Variants in STK11IP observed in about 807,000 individuals in gnomAD.
STK11IP encodes serine/threonine-protein kinase 11-interacting protein.
STK11IP carries 103 observed loss-of-function variants against 131.7 expected under a neutral mutation model. The observed-to-expected ratio is 0.78, with a 90% CI of 0.67 to 0.92. STK11IP has a LOEUF of 0.92. Among genes scored for constraint, STK11IP ranks in the 40% least tolerant of loss-of-function variants. The pLI is 0.00. For missense variants in STK11IP, 1,315 were observed against 1,385.7 expected (o/e 0.95, Z 0.81); for synonymous variants, 557 against 575.6 (o/e 0.97, Z 0.46).
intron 3 of STK11IP, 69 bp from the exon 4 acceptor site, chr2:219,601,572 A>G (rs1395211604): frequency 6.4e-7 from 1 of 1,556,514 alleles, no homozygotes. Flanking sequence ...TGGTTGTGCT[A>G]AGGAAGGAAT....
rs1698196908 is a variant in STK11IP at position 219,607,145 on chromosome 2, A to G, written c.1219+8A>G. On this transcript the variant is annotated splice_region_variant and intron_variant, in intron 13 of 24. Transcript: ENST00000456909. ...TGAACCCCTCTCCGGCTGGTAAGTC[A>G]GCTTCATCCCACTAACCTCTCTCGT... 1 of 1,613,754 alleles carries G rather than the reference A, an allele frequency of 6.2e-7. No homozygotes were observed. Among genetic ancestry groups the G allele is most frequent in the Non-Finnish European group, 8.5e-7 (1 of 1,179,768 alleles).
intron 8 of STK11IP, 77 bp from the exon 9 acceptor site, chr2:219,605,879 C>A: frequency 6.8e-7 from 1 of 1,477,600 alleles, no homozygotes; most frequent in Non-Finnish European, 9.3e-7. Flanking sequence ...CTGCTGCAAC[C>A]TCCCCCAGTG....
chr2:219,601,516 G>A (rs1697983234), intron 3 of STK11IP, 76 bp downstream of exon 3: 2 of 1,564,692 alleles, frequency 1.3e-6, no homozygotes, highest in Non-Finnish European at 1.7e-6. Flanking sequence ...GGGTAGGGGT[G>A]CAGAAGTCTG....
In STK11IP at chr2:219,601,724, A is replaced by T; in HGVS notation, c.342+9A>T. ...CCCTTCGGCACCTGGAGGTATGGGG[A>T]CACGGGGGGATGTTGGTGCACAGCA... On this transcript the variant is annotated intron_variant, in intron 4 of 24. Transcript: ENST00000456909. The T allele has an allele frequency of 6.3e-7, 1 of 1,590,622 alleles. No homozygotes were observed. The highest frequency in any genetic ancestry group is 8.6e-7 in the Non-Finnish European group (1 of 1,167,990).
At chr2:219,606,931 G>C in intron 12 of STK11IP, 73 bp downstream of exon 12, 2 of 1,584,706 alleles carry the variant, frequency 1.3e-6, no homozygotes, top group African/African-American at 2.7e-5. Flanking sequence ...ACAGTGGGCA[G>C]GGAATGGTAG....
rs1296379973 is a variant in STK11IP, at chr2:219,611,674, C to T, written c.2175C>T (p.Pro725=). ...VVLLAVSRGT[P]NRERKQGEQS... ...TCCTCGCTGTGTCTCGGGGAACCCC[C>T]AACAGGGAGCGGAAACAGGGAGAGC... is the stretch of plus-strand genomic sequence containing the variant. The change falls in exon 18 of 25, where the codon CCC becomes CCT. Residue 725 remains proline (P), a synonymous_variant. Transcript: ENST00000456909. 3 of 1,613,142 alleles carry T rather than the reference C, an allele frequency of 1.9e-6. No individual in the cohort carries two copies. In the South Asian group the frequency reaches 3.3e-5, roughly 18 times the overall value.
chr2:219,610,880 T>C (rs1260139290), intron 17 of STK11IP, among the ~76,000 whole-genome samples: 2 of 152,240 alleles, frequency 1.3e-5, no homozygotes, highest in Admixed American at 6.5e-5. Flanking sequence ...TGTATGGTCC[T>C]GGGCAGCATG....
intron 19 of STK11IP, among the ~76,000 whole-genome samples, chr2:219,612,676 G>A (rs1033728812): frequency 2.0e-5 from 3 of 152,202 alleles, no homozygotes; most frequent in African/African-American, 7.2e-5. Flanking sequence ...GGGGAGAACT[G>A]CCCAGGATGA....
At chr2:219,598,006 C>T (rs1299455766) in intron 1 of STK11IP, 83 bp downstream of exon 1, 3 of 1,582,744 alleles carry the variant, frequency 1.9e-6, no homozygotes, top group Admixed American at 1.8e-5. Flanking sequence ...CCTTTTTCTC[C>T]GCATGACGCC....
At position 219,616,132 on chromosome 2, in the gene STK11IP, A is replaced by C; in HGVS notation, c.3206A>C (p.Glu1069Ala). 6.2e-7 allele frequency: 1 copy of C among 1,613,798 alleles called. No homozygotes were observed. The highest frequency in any genetic ancestry group is 1.1e-5 in the South Asian group (1 of 91,080). ...CTTGCCTGGATCCGGGAACCATGGG[A>C]GGAGCTGTTTTCCATCGGACTCCGG... ...ALLAWIREPW[E>A]ELFSIGLRTV... The change falls in exon 25 of 25, where the codon GAG becomes GCG. Residue 1069 changes from glutamate (E) to alanine (A), a missense_variant. By Grantham distance (107) the Glu-to-Ala change is moderately radical (BLOSUM62 -1). Transcript: ENST00000456909.
chr2:219,608,646 A>G lies in STK11IP; in HGVS notation c.1667A>G (p.Glu556Gly). The change falls in exon 15 of 25, where the codon GAA becomes GGA. Residue 556 changes from glutamate (E) to glycine (G), a missense_variant. Physicochemically the swap from Glu to Gly is moderately conservative, Grantham distance 98. Transcript: ENST00000456909. ...LEGPEGVRGR[E>G]CFLRVTSAHL... The stretch of plus-strand genomic sequence containing the variant: ...GGGCCTGAGGGCGTACGGGGCAGGG[A>G]ATGCTTTCTCAGGGTCACTTCTGCC... 1.2e-6 allele frequency: 2 copies of G among 1,613,282 alleles called. No individual in the cohort carries two copies. The highest frequency in any genetic ancestry group is 1.7e-6 in the Non-Finnish European group (2 of 1,179,640).
chr2:219,609,565 C>T lies in STK11IP; in HGVS notation c.2104+25C>T, dbSNP rs751730719. 14 of 1,552,156 alleles carry T rather than the reference C, an allele frequency of 9.0e-6. No homozygotes were observed. In the Admixed American group the frequency reaches 2.5e-4, roughly 28 times the overall value. On this transcript the variant is annotated intron_variant, in intron 17 of 24. Coordinates refer to ENST00000456909, the MANE Select transcript of STK11IP (RefSeq NM_052902.4). Reference sequence around the variant, plus strand: ...GGTACAAGTCCTGCCCTTGACCTCTCTGCCCACACGCCTCCCCTGTTCCAG... The same window carrying T: ...GGTACAAGTCCTGCCCTTGACCTCTTTGCCCACACGCCTCCCCTGTTCCAG...
Position 219,606,805 on chromosome 2 carries a change from G to C in STK11IP, c.1081G>C (p.Asp361His). 6.2e-7 allele frequency: 1 copy of C among 1,613,714 alleles called. No individual in the cohort carries two copies. The highest frequency in any genetic ancestry group is 1.1e-5 in the South Asian group (1 of 91,080). ...AACCTCAGGTGGCCCTGACCTGAGTGACAGCCTCTCCTCAGGGGGTGTTGT... is the reference window on the plus strand; with the variant it reads ...AACCTCAGGTGGCCCTGACCTGAGTCACAGCCTCTCCTCAGGGGGTGTTGT... ...PETSGGPDLSDSLSSGGVVTQ... is the reference protein window; with the variant it reads ...PETSGGPDLSHSLSSGGVVTQ... Residue 361 changes from aspartate (D) to histidine (H), a missense_variant, in exon 12 of 25, where the codon GAC becomes CAC. Transcript: ENST00000456909.
chr2:219,606,188 C>A lies in STK11IP; in HGVS notation c.850-7C>A. 6.4e-7 allele frequency: 1 copy of A among 1,559,742 alleles called. No homozygotes were observed. Among genetic ancestry groups the A allele is most frequent in the Non-Finnish European group, 8.7e-7 (1 of 1,151,532 alleles). On this transcript the variant is annotated splice_polypyrimidine_tract_variant and splice_region_variant and intron_variant, in intron 9 of 24. Transcript: ENST00000456909. ...GCCCTCCTCATTCTCCCCTTCCTGC[C>A]CCTCAGCTCTACCTGGAGGGGAACC...
intron 2 of STK11IP, among the ~76,000 whole-genome samples, chr2:219,600,132 G>A (rs1301417554): frequency 7.0e-6 from 1 of 142,976 alleles, no homozygotes; most frequent in East Asian, 2.1e-4. Flanking sequence ...GCTCAATTTC[G>A]GCTCACTGCA....
At chr2:219,605,279 C>T (rs1393638388) in intron 7 of STK11IP, among the ~76,000 whole-genome samples, 1 of 152,174 alleles carries the variant, frequency 6.6e-6, no homozygotes, top group Non-Finnish European at 1.5e-5. Flanking sequence ...AGGCCCTTAC[C>T]CTTTCACAGA....
rs1462551169 is a variant in STK11IP, at chr2:219,613,231, TGA to T, written c.2537+10_2537+11del. The T allele has an allele frequency of 2.6e-6, 4 of 1,528,692 alleles. No homozygotes were observed. Among genetic ancestry groups the T allele is most frequent in the East Asian group, 5.1e-5 (2 of 39,304 alleles). 94.7% of individuals were successfully genotyped at this position (1,528,692 alleles called of 1,614,324 possible). Reference sequence around the variant, plus strand: ...AAGGTGACTGGGGAGATGCGGTGAGTGAGAGGGGAGATGCAGTGAGTAAGGGG... The same window carrying T: ...AAGGTGACTGGGGAGATGCGGTGAGTGAGGGGAGATGCAGTGAGTAAGGGG... On this transcript the variant is annotated splice_region_variant and intron_variant, in intron 20 of 24. Transcript: ENST00000456909.
chr2:219,610,611 C>T (rs758017840), intron 17 of STK11IP, among the ~76,000 whole-genome samples: 1 of 152,244 alleles, frequency 6.6e-6, no homozygotes, highest in Admixed American at 6.5e-5. Context: ...ACCGTGTTAG[C>T]CAGGATGGTC....
intron 2 of STK11IP, chr2:219,598,429 A>C: frequency 2.2e-6 from 1 of 445,006 alleles, no homozygotes; most frequent in East Asian, 3.8e-5. Context: ...TGACACTGTC[A>C]GAAGGAAGTG....
Sources: gnomAD v4.1 joint callset for allele counts (sites outside exome capture counted in the v4.1 genomes callset) on GRCh38, gnomAD v4.1.1 for gene constraint, MANE v1.5 for transcripts, NCBI Gene and HGNC (gene_info 2026-07-23, HGNC 2026-07-21) for gene names.